HMGXB4: variants seen among roughly 807,000 people sequenced by gnomAD.
The protein encoded by HMGXB4 is HMG domain-containing protein 4.
Under a neutral mutation model 63.9 loss-of-function variants are expected in HMGXB4, and 27 were observed. The ratio of observed to expected loss-of-function variants is 0.42; its 90% CI spans 0.31 to 0.58. The LOEUF (loss-of-function observed/expected upper bound fraction) is 0.58, where lower values mean the gene tolerates loss of function less well. Ranked by LOEUF, HMGXB4 falls within the 20% of genes least tolerant of loss-of-function variation. HMGXB4 has a pLI of 0.13. For missense variants in HMGXB4, 624 were observed against 700.7 expected, an observed-to-expected ratio of 0.89 and a Z score of 1.24; for synonymous variants, 264 against 265.3, an observed-to-expected ratio of 0.99 and a Z score of 0.05.
chr22:35,264,117 C>T (rs1038641369), intron 4 of HMGXB4: 8 of 1,412,988 alleles, frequency 5.7e-6, no homozygotes, highest in African/African-American at 2.8e-5. Flanking sequence ...CCTTCTCCCC[C>T]CAATCATCCA....
At chr22:35,288,503 T>C (rs1341971010) in intron 9 of HMGXB4, 96 bp downstream of exon 9, 1 of 939,122 alleles carries the variant, frequency 1.1e-6, no homozygotes, top group East Asian at 3.0e-5. Flanking sequence ...GTATTGAGCA[T>C]CTACTTTATG....
the HMGXB4 span, among the ~76,000 whole-genome samples, chr22:35,250,627 C>A: frequency 1.3e-5 from 2 of 151,146 alleles, no homozygotes; most frequent in African/African-American, 4.8e-5. Flanking sequence ...AACCATATCA[C>A]CATATCAACC....
At chr22:35,253,021 A>G (rs111928674), upstream of HMGXB4, among the ~76,000 whole-genome samples, 1,182 of 151,710 alleles carry the variant, frequency 7.8e-3, 10 homozygotes, top group African/African-American at 0.027. Context: ...AATCCCAGCT[A>G]CTTGGGAGGC....
intron 9 of HMGXB4, among the ~76,000 whole-genome samples, chr22:35,290,949 A>G (rs1924898026): frequency 6.6e-6 from 1 of 152,210 alleles, no homozygotes; most frequent in African/African-American, 2.4e-5. Flanking sequence ...AAACTGGAAC[A>G]TACAATGCAT....
chr22:35,252,373 T>C, the HMGXB4 span, among the ~76,000 whole-genome samples: 1 of 152,222 alleles, frequency 6.6e-6, no homozygotes, highest in East Asian at 1.9e-4. Flanking sequence ...CAACTTTCCA[T>C]TTCCCCCATG....
intron 1 of HMGXB4, among the ~76,000 whole-genome samples, chr22:35,258,888 G>T (rs1348640127): frequency 3.3e-5 from 5 of 152,186 alleles, no homozygotes; most frequent in Non-Finnish European, 7.3e-5. Context: ...TCCGTGTGAC[G>T]GGGCTTACTT....
intron 5 of HMGXB4, among the ~76,000 whole-genome samples, chr22:35,280,102 A>T (rs1304105236): frequency 1.3e-5 from 2 of 152,078 alleles, no homozygotes; most frequent in Non-Finnish European, 2.9e-5. Context: ...TGACTAACTC[A>T]GAGTCAACTC....
chr22:35,290,630 C>CAG (rs1461697360), intron 9 of HMGXB4, among the ~76,000 whole-genome samples: 61 of 52,862 alleles, frequency 1.2e-3, no homozygotes, highest in African/African-American at 3.6e-3. Context: ...GACTCCGCCT[C>CAG]AAAAAAAAAA....
At chr22:35,243,736 G>T in the HMGXB4 span, among the ~76,000 whole-genome samples, 2 of 152,076 alleles carry the variant, frequency 1.3e-5, no homozygotes, top group African/African-American at 4.8e-5. Context: ...TAGAGACAGG[G>T]TTTCACCATG....
rs1389737034 is a variant in HMGXB4 at position 35,286,055 on chromosome 22, C to T, written c.1356C>T (p.Asp452=). 6.2e-7 allele frequency: 1 copy of T among 1,601,828 alleles called. No homozygotes were observed. The highest frequency in any genetic ancestry group is 8.5e-7 in the Non-Finnish European group (1 of 1,174,032). ...AEVWKQLPEK[D]KLIWKQKAQY... ...TGTGGAAGCAATTACCAGAAAAAGA[C>T]AAACTGGTAAGTACATTTTCTTACA... is the stretch of plus-strand genomic sequence containing the variant. Residue 452 remains aspartate (D), a synonymous_variant, in exon 7 of 11, where the codon GAC becomes GAT. Transcript: ENST00000216106.
At chr22:35,291,234 C>T (rs1924916435) in intron 9 of HMGXB4, among the ~76,000 whole-genome samples, 1 of 152,168 alleles carries the variant, frequency 6.6e-6, no homozygotes, top group African/African-American at 2.4e-5. Flanking sequence ...TGCACTCCAT[C>T]CAGCCTGGGC....
intron 5 of HMGXB4, among the ~76,000 whole-genome samples, chr22:35,271,335 A>G (rs1033522689): frequency 1.3e-5 from 2 of 152,242 alleles, no homozygotes; most frequent in Non-Finnish European, 2.9e-5. Flanking sequence ...TGGAGAAACT[A>G]CTGGTAGAAA....
chr22:35,245,719 T>C, the HMGXB4 span, among the ~76,000 whole-genome samples: 1 of 152,198 alleles, frequency 6.6e-6, no homozygotes, highest in African/African-American at 2.4e-5. Context: ...AAGAGGGGTT[T>C]GCCGCCTCAT....
chr22:35,275,110 C>CTTTT (rs59290559), intron 5 of HMGXB4, among the ~76,000 whole-genome samples: 3 of 103,538 alleles, frequency 2.9e-5, no homozygotes, highest in East Asian at 2.8e-4. Flanking sequence ...CACCAAATTT[C>CTTTT]TTTTTTTTTT....
intron 1 of HMGXB4, chr22:35,261,794 C>CA (rs1922877723): frequency 6.6e-6 from 1 of 152,130 alleles, no homozygotes; most frequent in Admixed American, 6.5e-5. Flanking sequence ...ATGCAAAAGA[C>CA]ATTGTGCTCT....
chr22:35,280,419 C>G (rs959362244), intron 5 of HMGXB4, among the ~76,000 whole-genome samples: 4 of 152,186 alleles, frequency 2.6e-5, no homozygotes, highest in Admixed American at 2.6e-4. Flanking sequence ...CGCTGGTCTT[C>G]AAAGCCATTT....
intron 8 of HMGXB4, 128 bp from the exon 9 acceptor site, chr22:35,288,110 A>G: frequency 1.6e-6 from 1 of 643,300 alleles, no homozygotes; most frequent in Non-Finnish European, 2.4e-6. Context: ...GACTGAATTT[A>G]GCCCACAGGC....
chr22:35,259,275 T>C (rs1209099410), intron 1 of HMGXB4, among the ~76,000 whole-genome samples: 3 of 152,266 alleles, frequency 2.0e-5, no homozygotes, highest in Admixed American at 2.0e-4. Flanking sequence ...TATGTTGTCA[T>C]ATCTTAGCAC....
the HMGXB4 span, among the ~76,000 whole-genome samples, chr22:35,247,920 A>G: frequency 6.6e-6 from 1 of 152,218 alleles, no homozygotes; most frequent in Non-Finnish European, 1.5e-5. Context: ...GAAATGCATC[A>G]TTAGGTGATT....
Sources: allele counts gnomAD v4.1 joint callset (sites outside exome capture counted in the v4.1 genomes callset), GRCh38; gene constraint gnomAD v4.1.1; transcripts MANE v1.5; gene names NCBI Gene and HGNC (gene_info 2026-07-23, HGNC 2026-07-21).